The following POMGNT1 variants were observed in gnomAD, a reference collection of about 807,000 sequenced individuals.
POMGNT1 encodes the protein protein O-linked mannose N-acetylglucosaminyltransferase 1 (beta 1,2-), also known as protein O-linked-mannose beta-1,2-N-acetylglucosaminyltransferase 1.
In POMGNT1, 67 loss-of-function variants were observed where a neutral mutation model predicts 95.6. The observed-to-expected ratio is 0.70, with a 90% CI of 0.58 to 0.86. POMGNT1 has a LOEUF of 0.86. POMGNT1 is among the 40% of genes least tolerant of loss of function. The pLI is 0.00. For missense variants in POMGNT1, 719 were observed against 855.2 expected, an observed-to-expected ratio of 0.84 and a Z score of 1.99; for synonymous variants, 298 against 317.9, an observed-to-expected ratio of 0.94 and a Z score of 0.66.
At chr1:46,214,608 C>T (rs1003877532) in intron 1 of POMGNT1, among the ~76,000 whole-genome samples, 3 of 152,138 alleles carry the variant, frequency 2.0e-5, no homozygotes, top group Non-Finnish European at 4.4e-5. Flanking sequence ...TGGCTCATGC[C>T]TGTAATCCCA....
In POMGNT1 at chr1:46,197,857, C is replaced by G; in HGVS notation, c.-36G>C. On this transcript the variant is annotated 5_prime_UTR_variant, in exon 2 of 22. An upstream start codon of the reference 5' UTR is lost. Coordinates refer to ENST00000371984, the MANE Select transcript of POMGNT1 (RefSeq NM_017739.4). ...CGGGTCACCAATGTCCTGGCCAGCC[C>G]ATGACTTCAGGAATCTGAAGGGACC... is the stretch of plus-strand genomic sequence containing the variant. 1 of 1,613,086 alleles carries G rather than the reference C, an allele frequency of 6.2e-7. No individual in the cohort carries two copies. Among genetic ancestry groups the G allele is most frequent in the South Asian group, 1.1e-5 (1 of 91,034 alleles).
intron 1 of POMGNT1, among the ~76,000 whole-genome samples, chr1:46,212,639 C>T (rs974597535): frequency 6.6e-6 from 1 of 151,866 alleles, no homozygotes; most frequent in African/African-American, 2.4e-5. Flanking sequence ...TACAGTGGCA[C>T]CATCTCAGCT....
At chr1:46,197,633 T>C (rs967516684) in intron 2 of POMGNT1, 69 bp downstream of exon 2, 3 of 1,605,036 alleles carry the variant, frequency 1.9e-6, no homozygotes, top group Non-Finnish European at 2.6e-6. Context: ...GGGGTCCCAG[T>C]GCCTGATTTA....
Position 46,189,541 on chromosome 1 carries a change from C to T in POMGNT1, c.1812G>A (p.Val604=). ...AKCLHIWDLD[V]RGNHRGLWRL... ...TCCACAGGCCCCGATGGTTGCCACGCACATCCAGGTCCCAGATATGGAGGC... is the reference window on the plus strand; with the variant it reads ...TCCACAGGCCCCGATGGTTGCCACGTACATCCAGGTCCCAGATATGGAGGC... The change falls in exon 21 of 22, where the codon GTG becomes GTA. Residue 604 remains valine, a synonymous_variant. Coordinates refer to ENST00000371984, the MANE Select transcript of POMGNT1 (RefSeq NM_017739.4). 1 of 1,612,834 alleles carries T rather than the reference C, an allele frequency of 6.2e-7. No individual in the cohort carries two copies. The highest frequency in any genetic ancestry group is 1.1e-5 in the South Asian group (1 of 90,692).
chr1:46,203,229 T>C (rs1658601941), upstream of POMGNT1: 1 of 377,700 alleles, frequency 2.6e-6, no homozygotes, highest in Admixed American at 4.4e-5. Flanking sequence ...GGGCCAGAGG[T>C]TGTGTGCGCA....
At chr1:46,206,587 G>A (rs1658724642) in intron 1 of POMGNT1, among the ~76,000 whole-genome samples, 1 of 152,182 alleles carries the variant, frequency 6.6e-6, no homozygotes, top group African/African-American at 2.4e-5. Context: ...AAGAGATGGT[G>A]TGAAAAGAGT....
chr1:46,201,697 C>CAAAAAAAAA (rs59930051), upstream of POMGNT1, among the ~76,000 whole-genome samples: 1 of 85,962 alleles, frequency 1.2e-5, no homozygotes, highest in African/African-American at 4.4e-5. Context: ...GACTCCATCT[C>CAAAAAAAAA]AAAAAAAAAA....
exon 1 of POMGNT1, chr1:46,219,837 A>G: frequency 1.9e-6 from 3 of 1,614,220 alleles, no homozygotes; most frequent in Non-Finnish European, 2.5e-6. Context: ...CAGTCAATAT[A>G]GCCTGACAGG....
At position 46,188,874 on chromosome 1, in the gene POMGNT1, C is replaced by T; in HGVS notation, c.*396G>A. 4.3e-6 allele frequency: 7 copies of T among 1,612,856 alleles called. No individual in the cohort carries two copies. Among genetic ancestry groups the T allele is most frequent in the Non-Finnish European group, 4.2e-6 (5 of 1,179,884 alleles). On this transcript the variant is annotated 3_prime_UTR_variant, in exon 22 of 22. Transcript: ENST00000371984. ...GTTTCCTGAGTAAGAGCCAGCCCCA[C>T]CCTCAGGGCAGCATTCCAGCCCAAA...
At chr1:46,190,880 G>C in intron 17 of POMGNT1, 96 bp from the exon 18 acceptor site, 1 of 1,169,920 alleles carries the variant, frequency 8.5e-7, no homozygotes, top group Admixed American at 1.7e-5. Flanking sequence ...CACAAATGAA[G>C]TCCTAGACCT....
At chr1:46,197,399 AAGC>A in intron 2 of POMGNT1, 1 of 1,487,126 alleles carries the variant, frequency 6.7e-7, no homozygotes, top group Non-Finnish European at 9.0e-7. Flanking sequence ...CCAGGGACCC[AAGC>A]GGGGGATCAG....
At chr1:46,212,015 A>T (rs1658912294) in intron 1 of POMGNT1, among the ~76,000 whole-genome samples, 2 of 151,858 alleles carry the variant, frequency 1.3e-5, no homozygotes, top group African/African-American at 4.8e-5. Context: ...TCCCACCTCG[A>T]CCTCCCAAAG....
Position 46,189,107 on chromosome 1 carries a change from G to C in POMGNT1, c.*163C>G. Reference sequence around the variant, plus strand: ...ACTTTTAACTCAGGAACGGGGTGTTGGAGCAGGGGAACCCTCCCCTTGGAG... The same window carrying C: ...ACTTTTAACTCAGGAACGGGGTGTTCGAGCAGGGGAACCCTCCCCTTGGAG... On this transcript the variant is annotated 3_prime_UTR_variant, in exon 22 of 22. Coordinates refer to ENST00000371984, the MANE Select transcript of POMGNT1 (RefSeq NM_017739.4). The C allele has an allele frequency of 6.7e-7, 1 of 1,496,806 alleles. No individual in the cohort carries two copies. The highest frequency in any genetic ancestry group is 8.9e-7 in the Non-Finnish European group (1 of 1,126,590). 92.7% of individuals were successfully genotyped at this position (1,496,806 alleles called of 1,614,324 possible). A position where few individuals can be genotyped will look rare whatever the true frequency, so the allele number is the denominator to read the frequency against.
At chr1:46,193,137 C>A in intron 13 of POMGNT1, 37 bp downstream of exon 13, 1 of 1,613,770 alleles carries the variant, frequency 6.2e-7, no homozygotes, top group South Asian at 1.1e-5. Context: ...CATGTTTCCC[C>A]CCTCCCAGGC....
upstream of POMGNT1, among the ~76,000 whole-genome samples, chr1:46,200,406 C>A (rs1658503070): frequency 6.6e-6 from 1 of 152,206 alleles, no homozygotes; most frequent in South Asian, 2.1e-4. Flanking sequence ...CTTCTGGAAT[C>A]ATTTCCTTTC....
rs1437993122 is a variant in POMGNT1, at chr1:46,192,367, C to T, written c.1354G>A (p.Val452Met). The stretch of plus-strand genomic sequence containing the variant: ...TCCTTGTACAAGGACCTCCTGAGCA[C>T]CCAGCCCAGCCCAGGCATGGTCTCC... ...RVETMPGLGW[V>M]LRRSLYKEEL... The change falls in exon 16 of 22, where the codon GTG becomes ATG. Residue 452 changes from valine (V) to methionine (M), a missense_variant. This residue lies in a region of POMGNT1 where 118 missense variants were observed against 153.6 expected (regional missense o/e 0.77). Coordinates refer to ENST00000371984, the MANE Select transcript of POMGNT1 (RefSeq NM_017739.4). 8 of 1,614,084 alleles carry T rather than the reference C, an allele frequency of 5.0e-6. No individual in the cohort carries two copies. The highest frequency in any genetic ancestry group is 5.1e-6 in the Non-Finnish European group (6 of 1,180,034).
intron 11 of POMGNT1, 46 bp from the exon 12 acceptor site, chr1:46,193,434 T>C: frequency 6.2e-7 from 1 of 1,604,198 alleles, no homozygotes; most frequent in Non-Finnish European, 8.5e-7. Context: ...ACTTTCCCTC[T>C]GCCCACCTCT....
At chr1:46,204,972 C>CA (rs1658664937) in intron 1 of POMGNT1, among the ~76,000 whole-genome samples, 1 of 152,100 alleles carries the variant, frequency 6.6e-6, no homozygotes, top group African/African-American at 2.4e-5. Flanking sequence ...GAAACTGAGG[C>CA]ACAGGGTGGG....
Position 46,197,886 on chromosome 1 carries a change from G to A in POMGNT1, c.-50-15C>T, listed in dbSNP as rs945003028. On this transcript the variant is annotated splice_polypyrimidine_tract_variant and intron_variant, in intron 1 of 21. Coordinates refer to ENST00000371984, the MANE Select transcript of POMGNT1 (RefSeq NM_017739.4). ...ACTTCAGGAATCTGAAGGGACCAGA[G>A]GGCCACATGGGGTAAGATGCTCCTC... is the stretch of plus-strand genomic sequence containing the variant. The A allele has an allele frequency of 5.0e-6, 8 of 1,608,642 alleles. No individual in the cohort carries two copies. The highest frequency in any genetic ancestry group is 1.3e-5 in the African/African-American group (1 of 74,732).
Sources: allele counts gnomAD v4.1 joint callset (sites outside exome capture counted in the v4.1 genomes callset), GRCh38; gene constraint gnomAD v4.1.1; regional missense constraint gnomAD v4.1.1; transcripts MANE v1.5; gene names NCBI Gene and HGNC (gene_info 2026-07-23, HGNC 2026-07-21).